RGPD4: variants seen among roughly 807,000 people sequenced by gnomAD.
RGPD4 encodes the protein RANBP2 like and GRIP domain containing 4.
Under a neutral mutation model 141.1 loss-of-function variants are expected in RGPD4, and 84 were observed. That is an observed-to-expected ratio of 0.60 (90% CI 0.50 to 0.71). RGPD4 has a LOEUF of 0.71. RGPD4 is among the 30% of genes least tolerant of loss of function. The probability of loss-of-function intolerance (pLI) is 0.00; values close to 1 mark genes in which losing one functional copy is unlikely to be tolerated. For synonymous variants in RGPD4, 298 were observed against 566.8 expected, an observed-to-expected ratio of 0.53 and a Z score of 6.74; for missense variants, 918 against 1,622.4, an observed-to-expected ratio of 0.57 and a Z score of 7.46.
rs1272130945 is a variant in RGPD4 at position 107,827,980 on chromosome 2, G to A, written c.72+895G>A. ...CCCGACGGGCGCTGCTCCCTGACGC[G>A]CTCTGTTGAGGCGGCGGCCTCGACC... On this transcript the variant is annotated intron_variant, in intron 1 of 22. Coordinates refer to ENST00000408999, the MANE Select transcript of RGPD4 (RefSeq NM_182588.3). Among the ~76,000 whole-genome samples the A allele has an allele frequency of 4.3e-4, 17 of 39,672 alleles. 2 individuals are homozygous for A. The highest frequency in any genetic ancestry group is 2.4e-3 in the Admixed American group (12 of 4,906). The allele number at this position is 39,672 out of a possible 152,430, so 26.0% of individuals were successfully genotyped here. A position where few individuals can be genotyped will look rare whatever the true frequency, so the allele number is the denominator to read the frequency against.
At chr2:107,849,381 T>C (rs376821313) in intron 7 of RGPD4, among the ~76,000 whole-genome samples, 62,352 of 106,942 alleles carry the variant, frequency 0.58, 18,102 homozygotes, top group Middle Eastern at 0.72. Flanking sequence ...TTTTTTTTTT[T>C]TTTGAGACGG....
intron 1 of RGPD4, among the ~76,000 whole-genome samples, 151 bp downstream of exon 1, chr2:107,827,236 C>T (rs62159108): frequency 0.54 from 50,294 of 93,932 alleles, 10,043 homozygotes; most frequent in Middle Eastern, 0.67. Flanking sequence ...GGCCTCGACC[C>T]GGCCCGGCGG....
chr2:107,881,537 G>C (rs3926967), intron 21 of RGPD4, among the ~76,000 whole-genome samples: 3,622 of 149,360 alleles, frequency 0.024, 162 homozygotes, highest in African/African-American at 0.073. Flanking sequence ...AGGATGGTCT[G>C]AATCTCCTGA....
rs191634856 is a variant in RGPD4 at position 107,875,170 on chromosome 2, T to G, written c.4924+2242T>G. Reference sequence around the variant, plus strand: ...TGACAAAGGAAGACCGCATCTCAAATAAATACATAACTAAATAAATTTTCT... The same window carrying G: ...TGACAAAGGAAGACCGCATCTCAAAGAAATACATAACTAAATAAATTTTCT... On this transcript the variant is annotated intron_variant, in intron 20 of 22. Coordinates refer to ENST00000408999, the MANE Select transcript of RGPD4 (RefSeq NM_182588.3). 4.4e-4 allele frequency among the ~76,000 whole-genome samples: 38 copies of G among 86,060 alleles called. 4 individuals are homozygous for G. The East Asian group carries it at 7.3e-3, about 16-fold the overall frequency. The allele number at this position is 86,060 out of a possible 152,430, so 56.5% of individuals were successfully genotyped here. A position where few individuals can be genotyped will look rare whatever the true frequency, so the allele number is the denominator to read the frequency against.
At chr2:107,884,465 A>G (rs1311904115) in intron 22 of RGPD4, among the ~76,000 whole-genome samples, 1 of 149,666 alleles carries the variant, frequency 6.7e-6, no homozygotes, top group African/African-American at 2.5e-5. Context: ...CCACTTATTA[A>G]TTGAAGAAAG....
At chr2:107,832,899 C>A (rs1681542690) in intron 1 of RGPD4, among the ~76,000 whole-genome samples, 1 of 150,184 alleles carries the variant, frequency 6.7e-6, no homozygotes, top group Non-Finnish European at 1.5e-5. Context: ...TGTATTATTT[C>A]TTTGACCATT....
intron 1 of RGPD4, among the ~76,000 whole-genome samples, chr2:107,827,716 C>T (rs1456371789): frequency 1.7e-5 from 1 of 57,358 alleles, no homozygotes; most frequent in African/African-American, 8.2e-5. Context: ...GGACCTGGCC[C>T]GGCGGCGGCC....
At chr2:107,833,761 G>A (rs541544102) in intron 1 of RGPD4, among the ~76,000 whole-genome samples, 18 of 152,138 alleles carry the variant, frequency 1.2e-4, no homozygotes, top group African/African-American at 3.4e-4. Context: ...GGAACTGGCC[G>A]GGCTCCGTGG....
chr2:107,858,518 A>T (rs1268046613), intron 9 of RGPD4, among the ~76,000 whole-genome samples: 1 of 150,984 alleles, frequency 6.6e-6, no homozygotes, highest in Non-Finnish European at 1.5e-5. Context: ...GGCTCACTGC[A>T]ACTTCCGCCT....
rs541301095 is a variant in RGPD4, at chr2:107,827,011, G to C, written c.-3G>C. 2 of 1,597,816 alleles carry C rather than the reference G, an allele frequency of 1.3e-6. No individual in the cohort carries two copies. The highest frequency in any genetic ancestry group is 8.5e-7 in the Non-Finnish European group (1 of 1,173,832). ...GCGTCTCGGGAGCCAGGTTGGTGGC[G>C]CGATGAGTTGCAGCAAGGCCTACGG... On this transcript the variant is annotated 5_prime_UTR_variant, in exon 1 of 23. Transcript: ENST00000408999.
At chr2:107,829,969 T>C (rs1243804993) in intron 1 of RGPD4, among the ~76,000 whole-genome samples, 1 of 152,066 alleles carries the variant, frequency 6.6e-6, no homozygotes, top group African/African-American at 2.4e-5. Flanking sequence ...CCGGGTGAGC[T>C]TTGGCGGCTG....
chr2:107,882,537 G>T, intron 21 of RGPD4, 135 bp from the exon 22 acceptor site: 1 of 698,114 alleles, frequency 1.4e-6, no homozygotes, highest in East Asian at 2.7e-5. Context: ...GTAGTTAACT[G>T]AATTCCTTCC....
intron 18 of RGPD4, 80 bp from the exon 19 acceptor site, chr2:107,869,803 T>A: frequency 6.6e-7 from 1 of 1,518,758 alleles, no homozygotes; most frequent in Non-Finnish European, 8.8e-7. Flanking sequence ...TGCTTTTGTA[T>A]TTGTAGCTCT....
rs1269711775 is a variant in RGPD4, at chr2:107,885,603, T to C, written c.5266+2730T>C. Among the ~76,000 whole-genome samples the C allele has an allele frequency of 3.9e-5, 6 of 152,284 alleles. No homozygotes were observed. The South Asian group carries it at 8.3e-4, about 21-fold the overall frequency. The stretch of plus-strand genomic sequence containing the variant: ...TAAGATGTGCATTTGGTAAGTCCTG[T>C]AAACAGACAGGAAAACACATTTAAA... On this transcript the variant is annotated intron_variant, in intron 22 of 22. Transcript: ENST00000408999.
At chr2:107,880,136 A>G (rs1675312603) in intron 21 of RGPD4, 29 bp downstream of exon 21, 1 of 1,611,408 alleles carries the variant, frequency 6.2e-7, no homozygotes, top group Admixed American at 1.7e-5. Flanking sequence ...GCCACCATGA[A>G]AACTGCCAAT....
chr2:107,834,451 C>T (rs1339501449), intron 1 of RGPD4, among the ~76,000 whole-genome samples: 3 of 151,936 alleles, frequency 2.0e-5, no homozygotes, highest in African/African-American at 7.3e-5. Context: ...TGATAAAAAT[C>T]TCACAGCCTC....
At chr2:107,853,849 G>A (rs1185092183) in intron 7 of RGPD4, among the ~76,000 whole-genome samples, 2 of 78,562 alleles carry the variant, frequency 2.5e-5, no homozygotes, top group African/African-American at 1.1e-4. Context: ...CTGGATTTAA[G>A]TGATCCTCCT....
intron 22 of RGPD4, among the ~76,000 whole-genome samples, chr2:107,890,355 C>T (rs1490965773): frequency 2.7e-5 from 3 of 110,988 alleles, no homozygotes; most frequent in Admixed American, 9.1e-5. Flanking sequence ...TTGAGACCAG[C>T]CTGGAAAACA....
intron 1 of RGPD4, among the ~76,000 whole-genome samples, chr2:107,828,583 A>G (rs867514478): frequency 0.27 from 7,629 of 28,370 alleles, 2 homozygotes; most frequent in South Asian, 0.3. Context: ...CTGTTGAGGC[A>G]GCGGCCTCGA....
Sources: gnomAD v4.1 joint callset for allele counts (sites outside exome capture counted in the v4.1 genomes callset) on GRCh38, gnomAD v4.1.1 for gene constraint, MANE v1.5 for transcripts, NCBI Gene and HGNC (gene_info 2026-07-23, HGNC 2026-07-21) for gene names.